GLIS3: variants seen among roughly 807,000 people sequenced by gnomAD.
GLIS3 encodes GLIS family zinc finger 3, also known as zinc finger protein GLIS3.
Under a neutral mutation model 78.6 loss-of-function variants are expected in GLIS3, and 53 were observed. The observed-to-expected ratio is 0.67, with a 90% CI of 0.54 to 0.85. GLIS3 has a LOEUF of 0.85. Among genes scored for constraint, GLIS3 ranks in the 40% least tolerant of loss-of-function variants. GLIS3 has a pLI of 0.00. For missense variants in GLIS3, 1,703 were observed against 1,231.1 expected, an observed-to-expected ratio of 1.38 and a Z score of -5.74; for synonymous variants, 684 against 509.9, an observed-to-expected ratio of 1.34 and a Z score of -4.60.
chr9:4,275,762 C>G (rs1415457565), intron 2 of GLIS3, among the ~76,000 whole-genome samples: 2 of 151,990 alleles, frequency 1.3e-5, no homozygotes, highest in Non-Finnish European at 2.9e-5. Context: ...GACCCAGTCT[C>G]TATAAATAAA....
intron 2 of GLIS3, among the ~76,000 whole-genome samples, chr9:4,193,183 T>C (rs1046029966): frequency 6.6e-6 from 1 of 152,252 alleles, no homozygotes; most frequent in Non-Finnish European, 1.5e-5. Flanking sequence ...TGCGAGACTT[T>C]TGTATGGCCC....
At chr9:4,204,132 C>T (rs568856694) in intron 2 of GLIS3, among the ~76,000 whole-genome samples, 47 of 152,190 alleles carry the variant, frequency 3.1e-4, no homozygotes, top group Middle Eastern at 6.8e-3. Flanking sequence ...ACTAAAATGT[C>T]AGATAGCCAA....
chr9:4,398,751 G>A, the GLIS3 span, among the ~76,000 whole-genome samples: 1 of 152,094 alleles, frequency 6.6e-6, no homozygotes, highest in Non-Finnish European at 1.5e-5. Flanking sequence ...CCAGTGGCAC[G>A]ATCTTGGCTC....
At chr9:4,343,681 G>A (rs188080975) in intron 2 of GLIS3, among the ~76,000 whole-genome samples, 10 of 152,258 alleles carry the variant, frequency 6.6e-5, no homozygotes, top group African/African-American at 1.4e-4. Context: ...CACCAACGGT[G>A]GACCGGATAA....
intron 8 of GLIS3, among the ~76,000 whole-genome samples, chr9:3,864,099 A>G (rs1251665011): frequency 6.6e-6 from 1 of 152,106 alleles, no homozygotes; most frequent in Non-Finnish European, 1.5e-5. Flanking sequence ...ACTGAAGAAA[A>G]TTTATCCAGA....
chr9:4,131,364 A>G (rs986049074), intron 2 of GLIS3, among the ~76,000 whole-genome samples: 2 of 152,078 alleles, frequency 1.3e-5, no homozygotes, highest in Non-Finnish European at 2.9e-5. Context: ...AGGGTGATAT[A>G]ATATGCTTTG....
chr9:4,279,346 C>CACACAG (rs1554646489), intron 2 of GLIS3, among the ~76,000 whole-genome samples: 4 of 130,722 alleles, frequency 3.1e-5, no homozygotes, highest in African/African-American at 8.8e-5. Flanking sequence ...CACACACACA[C>CACACAG]ACACACACAC....
intron 5 of GLIS3, chr9:3,932,859 G>A (rs906393514): frequency 2.5e-6 from 1 of 394,020 alleles, no homozygotes; most frequent in Non-Finnish European, 5.1e-6. Context: ...ATTCTTTAAG[G>A]GTTCAGGTAA....
chr9:4,355,708 T>G, the GLIS3 span, among the ~76,000 whole-genome samples: 1 of 152,288 alleles, frequency 6.6e-6, no homozygotes, highest in East Asian at 1.9e-4. Context: ...TAATGTCATA[T>G]AGTTAATTGA....
At chr9:4,210,565 T>A (rs1563761565) in intron 2 of GLIS3, among the ~76,000 whole-genome samples, 1 of 152,250 alleles carries the variant, frequency 6.6e-6, no homozygotes, top group South Asian at 2.1e-4. Context: ...GAGCAAATTT[T>A]AGTGAGCTGC....
chr9:4,466,886 G>A, the GLIS3 span, among the ~76,000 whole-genome samples: 1 of 152,196 alleles, frequency 6.6e-6, no homozygotes. Flanking sequence ...TCCTAGCCAA[G>A]GGAAGCCGTG....
intron 2 of GLIS3, among the ~76,000 whole-genome samples, chr9:4,165,906 A>G (rs1038255158): frequency 5.3e-5 from 8 of 152,230 alleles, no homozygotes; most frequent in African/African-American, 1.9e-4. Context: ...GCAGGAAAAA[A>G]GGAATCTGCA....
At chr9:4,438,945 T>C in the GLIS3 span, among the ~76,000 whole-genome samples, 1 of 152,212 alleles carries the variant, frequency 6.6e-6, no homozygotes. Flanking sequence ...TTTTGTATAA[T>C]CCTACTCTAT....
At chr9:4,088,003 G>A (rs1829187905) in intron 4 of GLIS3, among the ~76,000 whole-genome samples, 1 of 152,172 alleles carries the variant, frequency 6.6e-6, no homozygotes, top group Non-Finnish European at 1.5e-5. Context: ...TGTCATTCAT[G>A]CACTAACAAC....
chr9:4,048,040 G>A (rs748903785), intron 4 of GLIS3, among the ~76,000 whole-genome samples: 2 of 152,106 alleles, frequency 1.3e-5, no homozygotes, highest in Non-Finnish European at 2.9e-5. Context: ...GGGGAAAGGG[G>A]CCTCACTGTG....
chr9:4,153,345 T>C (rs1586822695), intron 2 of GLIS3, among the ~76,000 whole-genome samples: 1 of 152,090 alleles, frequency 6.6e-6, no homozygotes, highest in African/African-American at 2.4e-5. Flanking sequence ...GGGCAGATCA[T>C]TTGAGGTCAG....
chr9:4,339,969 A>T (rs1817811928), intron 2 of GLIS3, among the ~76,000 whole-genome samples: 2 of 150,272 alleles, frequency 1.3e-5, no homozygotes, highest in Admixed American at 1.3e-4. Flanking sequence ...AAGAGCAAAC[A>T]TTCTCTCATT....
At chr9:4,164,341 C>T (rs1215622148) in intron 2 of GLIS3, among the ~76,000 whole-genome samples, 1 of 152,170 alleles carries the variant, frequency 6.6e-6, no homozygotes, top group Non-Finnish European at 1.5e-5. Flanking sequence ...GAGGACTTTG[C>T]TTTCAGTTTG....
intron 4 of GLIS3, among the ~76,000 whole-genome samples, chr9:4,016,947 C>T (rs752825356): frequency 9.2e-5 from 14 of 152,178 alleles, no homozygotes; most frequent in Non-Finnish European, 2.1e-4. Context: ...GATTTTCTGA[C>T]ACCCGATCCA....
Sources: gnomAD v4.1 joint callset for allele counts (sites outside exome capture counted in the v4.1 genomes callset) on GRCh38, gnomAD v4.1.1 for gene constraint, MANE v1.5 for transcripts, NCBI Gene and HGNC (gene_info 2026-07-23, HGNC 2026-07-21) for gene names.